ZBTB7A: variants seen among roughly 807,000 people sequenced by gnomAD.
ZBTB7A encodes zinc finger and BTB domain containing 7A.
ZBTB7A carries 7 observed loss-of-function variants against 26.7 expected under a neutral mutation model. That is an observed-to-expected ratio of 0.26 (90% confidence interval 0.15 to 0.49). The LOEUF (loss-of-function observed/expected upper bound fraction) is 0.49. Among genes scored for constraint, ZBTB7A ranks in the 20% least tolerant of loss-of-function variants. ZBTB7A has a pLI of 0.98. For missense variants in ZBTB7A, 617 were observed against 919.5 expected, an observed-to-expected ratio of 0.67 and a Z score of 4.25; for synonymous variants, 452 against 441.0, an observed-to-expected ratio of 1.02 and a Z score of -0.31.
Position 4,045,913 on chromosome 19 carries a change from G to A in ZBTB7A, c.*1839C>T, listed in dbSNP as rs2040410747. The A allele has an allele frequency of 2.5e-6, 1 of 398,716 alleles. No homozygotes were observed. Among genetic ancestry groups the A allele is most frequent in the South Asian group, 1.3e-4 (1 of 7,864 alleles). 24.7% of individuals were successfully genotyped at this position (398,716 alleles called of 1,614,324 possible). On this transcript the variant is annotated 3_prime_UTR_variant, in exon 3 of 3. Coordinates refer to ENST00000322357, the MANE Select transcript of ZBTB7A (RefSeq NM_015898.4). This position sits in a 1 kb window ranked among gnomAD's most constrained non-coding sequence, Gnocchi z 4.1. The stretch of plus-strand genomic sequence containing the variant: ...AGAGGGGTGCCTGGGGTGGGGAGAG[G>A]GGCGGTGGTTCTAAGGCCCTGGAGG...
chr19:4,048,393 C>T lies in ZBTB7A; in HGVS notation c.1263-149G>A, dbSNP rs1051762947. 69 of 1,193,134 alleles carry T rather than the reference C, an allele frequency of 5.8e-5. No homozygotes were observed. The highest frequency in any genetic ancestry group is 1.2e-4 in the Admixed American group (3 of 25,222). The allele number at this position is 1,193,134 out of a possible 1,614,324, so 73.9% of individuals were successfully genotyped here. A position where few individuals can be genotyped will look rare whatever the true frequency, so the allele number is the denominator to read the frequency against. ...AGAGGTTTCGGTGCCCCGATGGGGA[C>T]GGTCCCTCGAAAAACGAGACGAGTG... is the stretch of plus-strand genomic sequence containing the variant. On this transcript the variant is annotated intron_variant, in intron 2 of 2. Transcript: ENST00000322357. This position sits in a 1 kb window ranked among gnomAD's most constrained non-coding sequence, Gnocchi z 6.7.
intron 1 of ZBTB7A, chr19:4,061,955 C>T (rs1307340347): frequency 2.6e-5 from 4 of 152,324 alleles, no homozygotes; most frequent in African/African-American, 9.6e-5. Flanking sequence ...TCCTTGTCCA[C>T]CCTGCCATCA....
rs1599254865 is a variant in ZBTB7A, at chr19:4,054,060, G to A, written c.1173C>T (p.Ile391=). Residue 391 remains isoleucine (I), a synonymous_variant, in exon 2 of 3, where the codon ATC becomes ATT. Coordinates refer to ENST00000322357, the MANE Select transcript of ZBTB7A (RefSeq NM_015898.4). The part of the protein sequence containing the change: ...FQKCPICEKV[I]QGAGKLPRHI... ...GTCGCGGCAGCTTGCCGGCGCCCTG[G>A]ATGACCTTCTCGCAGATGGGGCACT... 6.2e-7 allele frequency: 1 copy of A among 1,612,422 alleles called. No homozygotes were observed.
rs984981769 is a variant in ZBTB7A, at chr19:4,052,597, C to A, written c.1262+1374G>T. On this transcript the variant is annotated intron_variant, in intron 2 of 2. Transcript: ENST00000322357. The surrounding 1 kb of genome is among the most constrained non-coding windows in gnomAD (Gnocchi z 4.9). ...GGCCTCTTTCTTCAGCCTCGGTGGG[C>A]GTGGCTGGGGGAACCCCAGGGCGGG... Among the ~76,000 whole-genome samples, 1 of 148,574 alleles carries A rather than the reference C, an allele frequency of 6.7e-6. No homozygotes were observed. The highest frequency in any genetic ancestry group is 2.5e-5 in the African/African-American group (1 of 40,574).
chr19:4,060,550 C>T (rs942412358), intron 1 of ZBTB7A, among the ~76,000 whole-genome samples: 8 of 152,236 alleles, frequency 5.3e-5, no homozygotes, highest in Non-Finnish European at 8.8e-5. Context: ...CTGCCACTTC[C>T]CAGCTGCGGG....
chr19:4,045,922 T>A lies in ZBTB7A; in HGVS notation c.*1830A>T. The A allele has an allele frequency of 2.5e-6, 1 of 398,066 alleles. No individual in the cohort carries two copies. The allele number at this position is 398,066 out of a possible 1,614,324, so 24.7% of individuals were successfully genotyped here. On this transcript the variant is annotated 3_prime_UTR_variant, in exon 3 of 3. Coordinates refer to ENST00000322357, the MANE Select transcript of ZBTB7A (RefSeq NM_015898.4). The surrounding 1 kb of genome is among the most constrained non-coding windows in gnomAD (Gnocchi z 4.1). Reference sequence around the variant, plus strand: ...CCTGGGGTGGGGAGAGGGGCGGTGGTTCTAAGGCCCTGGAGGTGGGGGGCC... The same window carrying A: ...CCTGGGGTGGGGAGAGGGGCGGTGGATCTAAGGCCCTGGAGGTGGGGGGCC...
In ZBTB7A at chr19:4,049,148, A is replaced by ATGTGTGTGTG. The variant is rs141419678; in HGVS notation, c.1263-914_1263-905dup. ...CCCTATTAAATAGCTATTAAACTAT[A>ATGTGTGTGTG]TGTGTGTGTGTGTGTGTGTGTATAT... On this transcript the variant is annotated intron_variant, in intron 2 of 2. Transcript: ENST00000322357. 3.0e-3 allele frequency among the ~76,000 whole-genome samples: 124 copies of ATGTGTGTGTG among 41,638 alleles called. 4 individuals carry two copies. The highest frequency in any genetic ancestry group is 0.023 in the Middle Eastern group (1 of 44). 27.3% of individuals were successfully genotyped at this position (41,638 alleles called of 152,430 possible). A position where few individuals can be genotyped will look rare whatever the true frequency, so the allele number is the denominator to read the frequency against.
rs2040412690 is a variant in ZBTB7A at position 4,046,057 on chromosome 19, G to A, written c.*1695C>T. 2.5e-6 allele frequency: 1 copy of A among 399,008 alleles called. No homozygotes were observed. Among genetic ancestry groups the A allele is most frequent in the South Asian group, 1.3e-4 (1 of 7,858 alleles). 24.7% of individuals were successfully genotyped at this position (399,008 alleles called of 1,614,324 possible). ...TGGGGGGTGCCGGATGGGGATCGGG[G>A]TGCTCCGGCTGGAAGGCCCATCCCT... On this transcript the variant is annotated 3_prime_UTR_variant, in exon 3 of 3. Coordinates refer to ENST00000322357, the MANE Select transcript of ZBTB7A (RefSeq NM_015898.4).
chr19:4,051,033 G>A (rs951954487), intron 2 of ZBTB7A, among the ~76,000 whole-genome samples: 2 of 140,040 alleles, frequency 1.4e-5, no homozygotes, highest in Non-Finnish European at 3.0e-5. Context: ...GGGAGGTGGA[G>A]GTTGCAGTGA....
Position 4,048,006 on chromosome 19 carries a change from G to A in ZBTB7A, c.1501C>T (p.Pro501Ser). The A allele has an allele frequency of 7.1e-7, 1 of 1,415,874 alleles. No homozygotes were observed. Among genetic ancestry groups the A allele is most frequent in the Non-Finnish European group, 9.3e-7 (1 of 1,075,842 alleles). 87.7% of individuals were successfully genotyped at this position (1,415,874 alleles called of 1,614,324 possible). A position where few individuals can be genotyped will look rare whatever the true frequency, so the allele number is the denominator to read the frequency against. ...TCGGGCGCCCCGCCCCGGACGCGGG[G>A]CTTGCGGCCGCGGCGCGAGGGGACG... The part of the protein sequence containing the change: ...NGVPSRRGRK[P>S]RVRGGAPDPS... Residue 501 changes from proline (P) to serine (S), a missense_variant, in exon 3 of 3, where the codon CCC (proline) becomes TCC (serine). Around this residue, in one of 5 missense-constraint regions of ZBTB7A, gnomAD observed 27 missense variants for 38.7 expected, o/e 0.70. Transcript: ENST00000322357. This position sits in a 1 kb window ranked among gnomAD's most constrained non-coding sequence, Gnocchi z 6.7.
At position 4,054,576 on chromosome 19, in the gene ZBTB7A, G is replaced by C; in HGVS notation, c.657C>G (p.Phe219Leu). 2.6e-6 allele frequency: 4 copies of C among 1,533,956 alleles called. No homozygotes were observed. Among genetic ancestry groups the C allele is most frequent in the Non-Finnish European group, 3.5e-6 (4 of 1,151,458 alleles). Residue 219 changes from phenylalanine (F) to leucine (L), a missense_variant, in exon 2 of 3, where the codon TTC becomes TTG. By Grantham distance (22) the Phe-to-Leu change is conservative (BLOSUM62 0). This residue lies in a region of ZBTB7A where 331 missense variants were observed against 391.3 expected (regional missense o/e 0.85). Transcript: ENST00000322357. The stretch of plus-strand genomic sequence containing the variant: ...GCTCGGCCGGGGGGCCCGGCCCATA[G>C]AAGTCTAAGCCGTTGCAGTCGCCCG... ...VAAGDCNGLD[F>L]YGPGPPAERP...
Position 4,048,278 on chromosome 19 carries a change from G to A in ZBTB7A, c.1263-34C>T. On this transcript the variant is annotated intron_variant, in intron 2 of 2. Transcript: ENST00000322357. The surrounding 1 kb of genome is among the most constrained non-coding windows in gnomAD (Gnocchi z 6.7). ...GGGGCACGGGGCGGGCACGGTCAGT[G>A]GGGCCGGGGACCCCCGATCCCCGCC... 1 of 1,538,982 alleles carries A rather than the reference G, an allele frequency of 6.5e-7. No individual in the cohort carries two copies. Among genetic ancestry groups the A allele is most frequent in the Non-Finnish European group, 8.7e-7 (1 of 1,152,190 alleles).
chr19:4,051,808 G>A (rs541889409), intron 2 of ZBTB7A, among the ~76,000 whole-genome samples: 2 of 152,396 alleles, frequency 1.3e-5, no homozygotes, highest in East Asian at 3.9e-4. Flanking sequence ...GGCCCAGAGA[G>A]AGGAAGGGAC....
intron 2 of ZBTB7A, among the ~76,000 whole-genome samples, chr19:4,051,393 C>T (rs1321185526): frequency 1.3e-5 from 2 of 152,146 alleles, no homozygotes; most frequent in East Asian, 1.9e-4. Context: ...TGCCCCTCTA[C>T]CTTTCCTAAT....
rs1273606188 is a variant in ZBTB7A at position 4,054,559 on chromosome 19, G to T, written c.674C>A (p.Pro225Gln). The T allele has an allele frequency of 3.4e-6, 5 of 1,480,028 alleles. No individual in the cohort carries two copies. Among genetic ancestry groups the T allele is most frequent in the Non-Finnish European group, 4.4e-6 (5 of 1,127,804 alleles). 91.7% of individuals were successfully genotyped at this position (1,480,028 alleles called of 1,614,324 possible). Residue 225 changes from proline (P) to glutamine (Q), a missense_variant, in exon 2 of 3, where the codon CCG (proline) becomes CAG (glutamine). By Grantham distance (76) the Pro-to-Gln change is moderately conservative (BLOSUM62 -1). Transcript: ENST00000322357. ...NGLDFYGPGP[P>Q]AERPPTGDGD... is the part of the protein sequence containing the mutation. ...GTCCCCCGTCGGGGGCCGCTCGGCC[G>T]GGGGGCCCGGCCCATAGAAGTCTAA...
At position 4,045,641 on chromosome 19, in the gene ZBTB7A, A is replaced by G. The variant is rs1017762143; in HGVS notation, c.*2111T>C. On this transcript the variant is annotated 3_prime_UTR_variant, in exon 3 of 3. Transcript: ENST00000322357. This position sits in a 1 kb window ranked among gnomAD's most constrained non-coding sequence, Gnocchi z 4.1. Reference sequence around the variant, plus strand: ...ATGGGGGGGTCGGGGGCAGGGAGACACCCCCCCGCCGGTTGGGCATTGACA... The same window carrying G: ...ATGGGGGGGTCGGGGGCAGGGAGACGCCCCCCCGCCGGTTGGGCATTGACA... The G allele has an allele frequency of 8.5e-6, 3 of 351,384 alleles. No individual in the cohort carries two copies. The highest frequency in any genetic ancestry group is 2.2e-5 in the African/African-American group (1 of 45,914). The allele number at this position is 351,384 out of a possible 1,614,324, so 21.8% of individuals were successfully genotyped here. A position where few individuals can be genotyped will look rare whatever the true frequency, so the allele number is the denominator to read the frequency against.
chr19:4,054,712 G>A lies in ZBTB7A; in HGVS notation c.521C>T (p.Pro174Leu), dbSNP rs1393979177. Reference sequence around the variant, plus strand: ...GCTGGCAGCGGCGGCGGCGGCCGCGGGGGGCAGGCTGTTCATGGGGTTGCT... The same window carrying A: ...GCTGGCAGCGGCGGCGGCGGCCGCGAGGGGCAGGCTGTTCATGGGGTTGCT... ...FQSNPMNSLP[P>L]AAAAAAASFP... Residue 174 changes from proline (P) to leucine (L), a missense_variant, in exon 2 of 3, where the codon CCC (proline) becomes CTC (leucine). Physicochemically the swap from Pro to Leu is moderately conservative, Grantham distance 98. Coordinates refer to ENST00000322357, the MANE Select transcript of ZBTB7A (RefSeq NM_015898.4). The A allele has an allele frequency of 1.3e-6, 2 of 1,575,136 alleles. No homozygotes were observed. The highest frequency in any genetic ancestry group is 1.7e-4 in the Middle Eastern group (1 of 6,008).
At chr19:4,057,982 T>C (rs889853274) in intron 1 of ZBTB7A, among the ~76,000 whole-genome samples, 1 of 152,064 alleles carries the variant, frequency 6.6e-6, no homozygotes, top group East Asian at 1.9e-4. Flanking sequence ...CCCTGACTCC[T>C]GCCTCCTGGT....
chr19:4,057,833 A>G (rs2040597381), intron 1 of ZBTB7A, among the ~76,000 whole-genome samples: 1 of 149,948 alleles, frequency 6.7e-6, no homozygotes, highest in Non-Finnish European at 1.5e-5. Context: ...ACTTCCCGCC[A>G]GTTCCACCCG....
Sources: gnomAD v4.1 joint callset for allele counts (sites outside exome capture counted in the v4.1 genomes callset) on GRCh38, gnomAD v4.1.1 for gene constraint, gnomAD v4.1.1 regional missense constraint, Gnocchi (gnomAD v3.1) non-coding constraint, MANE v1.5 for transcripts, NCBI Gene and HGNC (gene_info 2026-07-23, HGNC 2026-07-21) for gene names.